The following INAVA variants were observed in gnomAD, a reference collection of about 807,000 sequenced individuals.
INAVA encodes innate immunity activator.
A neutral mutation model predicts 55.3 loss-of-function variants in INAVA; 32 were observed. That is an observed-to-expected ratio of 0.58 (90% CI 0.44 to 0.78). The LOEUF (loss-of-function observed/expected upper bound fraction) is 0.78. Ranked by LOEUF, INAVA falls within the 30% of genes least tolerant of loss-of-function variation. The pLI is 0.00. For synonymous variants in INAVA, 294 were observed against 329.4 expected (o/e 0.89, Z 1.16); for missense variants, 756 against 786.4 (o/e 0.96, Z 0.46).
chr1:200,914,133 C>G lies in INAVA; in HGVS notation c.*504C>G, dbSNP rs1006987861. 7 of 157,810 alleles carry G rather than the reference C, an allele frequency of 4.4e-5. No individual in the cohort carries two copies. The highest frequency in any genetic ancestry group is 1.7e-4 in the African/African-American group (7 of 41,496). 9.8% of individuals were successfully genotyped at this position (157,810 alleles called of 1,614,324 possible). A position where few individuals can be genotyped will look rare whatever the true frequency, so the allele number is the denominator to read the frequency against. On this transcript the variant is annotated 3_prime_UTR_variant, in exon 10 of 10. Transcript: ENST00000413687. ...ACCCCAGCCTGGGCTGGGGGAGAAT[C>G]TCTTCCCCCTTTTCTAATGTGCTCT...
intron 5 of INAVA, among the ~76,000 whole-genome samples, chr1:200,903,564 G>C (rs1358277415): frequency 6.6e-6 from 1 of 151,828 alleles, no homozygotes; most frequent in Non-Finnish European, 1.5e-5. Context: ...CAGCACTTTG[G>C]GAGGCCGAGG....
Position 200,900,989 on chromosome 1 carries a change from A to G in INAVA, c.350A>G (p.Glu117Gly). ...CTGGCCCTGCAGCTGCAGATCACAG[A>G]GGCAGCCCGTCGGCTGTGCCTGGAG... ...RQLALQLQIT[E>G]AARRLCLEEN... is the part of the protein sequence containing the mutation. The change falls in exon 5 of 10, where the codon GAG becomes GGG. Residue 117 changes from glutamate (E) to glycine (G), a missense_variant. Transcript: ENST00000413687. 1 of 1,555,440 alleles carries G rather than the reference A, an allele frequency of 6.4e-7. No homozygotes were observed. Among genetic ancestry groups the G allele is most frequent in the Non-Finnish European group, 8.7e-7 (1 of 1,149,286 alleles).
chr1:200,899,473 G>T lies in INAVA; in HGVS notation c.56G>T (p.Gly19Val), dbSNP rs2102303353. The T allele has an allele frequency of 1.2e-6, 2 of 1,613,990 alleles. No individual in the cohort carries two copies. The highest frequency in any genetic ancestry group is 1.1e-5 in the South Asian group (1 of 91,074). ...AGCATGTGCCCCCCAACCCTTGCAGGCCCCGACAGCCCGGTCTCCCCAATG... is the reference window on the plus strand; with the variant it reads ...AGCATGTGCCCCCCAACCCTTGCAGTCCCCGACAGCCCGGTCTCCCCAATG... ...DTDSGIILQS[G>V]PDSPVSPMKE... is the part of the protein sequence containing the mutation. The change falls in exon 3 of 10, where the codon GGC becomes GTC. Residue 19 changes from glycine (G) to valine (V), a missense_variant and splice_region_variant. Physicochemically the swap from Gly to Val is moderately radical, Grantham distance 109 (BLOSUM62 -3). Around this residue, in one of 2 missense-constraint regions of INAVA, gnomAD observed 639 missense variants for 624.3 expected, o/e 1.02. Coordinates refer to ENST00000413687, the MANE Select transcript of INAVA (RefSeq NM_001142569.3).
At chr1:200,891,708 G>A (rs755298622), upstream of INAVA, 4 of 1,453,774 alleles carry the variant, frequency 2.8e-6, no homozygotes, top group South Asian at 2.9e-5. Context: ...ACAGGTAAGC[G>A]GGAAAACTTC....
At chr1:200,901,311 A>C (rs1176909450) in intron 5 of INAVA, 152 bp downstream of exon 5, 8 of 734,834 alleles carry the variant, frequency 1.1e-5, no homozygotes, top group South Asian at 4.5e-5. Context: ...ATTCTCTCCA[A>C]CTCCAGCAAG....
At chr1:200,899,733 C>A in intron 3 of INAVA, 136 bp downstream of exon 3, 1 of 1,321,558 alleles carries the variant, frequency 7.6e-7, no homozygotes, top group South Asian at 1.5e-5. Context: ...GGCTGGGGCC[C>A]AGAGTCCCCA....
At chr1:200,911,414 T>A (rs1469397862) in intron 8 of INAVA, 39 bp from the exon 9 acceptor site, 1 of 1,560,746 alleles carries the variant, frequency 6.4e-7, no homozygotes, top group African/African-American at 1.3e-5. Flanking sequence ...GTGGAGTTTC[T>A]GCCCCCCACA....
intron 5 of INAVA, among the ~76,000 whole-genome samples, chr1:200,903,420 C>T (rs1571865443): frequency 6.7e-6 from 1 of 150,300 alleles, no homozygotes; most frequent in Non-Finnish European, 1.5e-5. Context: ...GGAGGTGGAG[C>T]CCAGGATCAA....
chr1:200,898,103 G>T (rs1235739829), intron 1 of INAVA, among the ~76,000 whole-genome samples: 1 of 152,132 alleles, frequency 6.6e-6, no homozygotes, highest in African/African-American at 2.4e-5. Context: ...GCCCCTGAGA[G>T]CCCACTGAGA....
In INAVA at chr1:200,907,856, C is replaced by T. The variant is rs1331419988; in HGVS notation, c.543C>T (p.Ser181=). 1.2e-6 allele frequency: 2 copies of T among 1,612,908 alleles called. No individual in the cohort carries two copies. The highest frequency in any genetic ancestry group is 2.2e-5 in the South Asian group (2 of 91,048). The change falls in exon 6 of 10, where the codon AGC becomes AGT. Residue 181 remains serine, a synonymous_variant. Transcript: ENST00000413687. ...CAGAGCTCAGTGCCTCTGATGACAG[C>T]TCCCTGTCAGATGGGCTCCTCCTGG... The part of the protein sequence containing the change: ...LGRELSASDD[S]SLSDGLLLEE...
chr1:200,908,859 A>G lies in INAVA; in HGVS notation c.704A>G (p.Gln235Arg), dbSNP rs1348733991. 1 of 1,613,934 alleles carries G rather than the reference A, an allele frequency of 6.2e-7. No homozygotes were observed. The highest frequency in any genetic ancestry group is 2.2e-5 in the East Asian group (1 of 44,894). The change falls in exon 7 of 10, where the codon CAG (glutamine) becomes CGG (arginine). Residue 235 changes from glutamine to arginine, a missense_variant. Around this residue, in one of 2 missense-constraint regions of INAVA, gnomAD observed 639 missense variants for 624.3 expected, o/e 1.02. Coordinates refer to ENST00000413687, the MANE Select transcript of INAVA (RefSeq NM_001142569.3). ...GGGAGCCCAGAACGGGCTCCAGTCCAGAACAGCCCCTGGAAGGAAACCAGC... is the reference window on the plus strand; with the variant it reads ...GGGAGCCCAGAACGGGCTCCAGTCCGGAACAGCCCCTGGAAGGAAACCAGC... ...EAGSPERAPVQNSPWKETSLD... is the reference protein window; with the variant it reads ...EAGSPERAPVRNSPWKETSLD...
At position 200,912,027 on chromosome 1, in the gene INAVA, C is replaced by A. The variant is rs1181234108; in HGVS notation, c.1534C>A (p.Arg512Ser). Residue 512 changes from arginine to serine, a missense_variant, in exon 9 of 10, where the codon CGC (arginine) becomes AGC (serine). Physicochemically the swap from Arg to Ser is moderately radical, Grantham distance 110. Around this residue, in one of 2 missense-constraint regions of INAVA, gnomAD observed 117 missense variants for 162.1 expected, o/e 0.72. Transcript: ENST00000413687. Reference sequence around the variant, plus strand: ...GCTCAAGTGGTGGCACGAGCGTGCACGCCTCCGGAGCACCCGCCCCCACTC... The same window carrying A: ...GCTCAAGTGGTGGCACGAGCGTGCAAGCCTCCGGAGCACCCGCCCCCACTC... ...EELKWWHERA[R>S]LRSTRPHSLD... 7 of 1,541,810 alleles carry A rather than the reference C, an allele frequency of 4.5e-6. No individual in the cohort carries two copies. The highest frequency in any genetic ancestry group is 3.9e-5 in the Admixed American group (2 of 50,806).
chr1:200,913,401 G>C (rs1194613786), intron 9 of INAVA, 136 bp from the exon 10 acceptor site: 2 of 668,974 alleles, frequency 3.0e-6, no homozygotes, highest in Non-Finnish European at 2.7e-6. Context: ...AAGGGGCTGA[G>C]TGCCAGGGCC....
At chr1:200,891,944 C>A (rs1295260310), upstream of INAVA, among the ~76,000 whole-genome samples, 1 of 151,628 alleles carries the variant, frequency 6.6e-6, no homozygotes, top group Admixed American at 6.6e-5. Context: ...CAGAAAGCAG[C>A]CAAACAAAAG....
chr1:200,897,984 T>C (rs1223687935), intron 1 of INAVA, among the ~76,000 whole-genome samples: 3 of 152,230 alleles, frequency 2.0e-5, no homozygotes, highest in Non-Finnish European at 4.4e-5. Flanking sequence ...ATCCTGTCTC[T>C]GCTCTTTTCC....
chr1:200,908,482 G>T (rs947678424), intron 6 of INAVA: 8 of 421,432 alleles, frequency 1.9e-5, no homozygotes, highest in Non-Finnish European at 3.4e-5. Flanking sequence ...AGCACTGTAA[G>T]CCCAAGAGAG....
chr1:200,891,732 C>A (rs1249162250), upstream of INAVA: 3 of 1,419,186 alleles, frequency 2.1e-6, no homozygotes, highest in African/African-American at 1.5e-5. Context: ...GCACCCAGTG[C>A]GGGTGAACTG....
Position 200,912,127 on chromosome 1 carries a change from C to G in INAVA, c.1634C>G (p.Pro545Arg). The G allele has an allele frequency of 3.2e-6, 5 of 1,548,248 alleles. No individual in the cohort carries two copies. The highest frequency in any genetic ancestry group is 4.4e-6 in the Non-Finnish European group (5 of 1,146,316). Residue 545 changes from proline to arginine, a missense_variant, in exon 9 of 10, where the codon CCC becomes CGC. Physicochemically the swap from Pro to Arg is moderately radical, Grantham distance 103. This residue lies in a region of INAVA where 117 missense variants were observed against 162.1 expected (regional missense o/e 0.72). Transcript: ENST00000413687. ...GAGGGCTTCGGACGAGCCCTGGGAC[C>G]CCGGGCACAGGTACGGCTGCTCTGG... ...GREGFGRALG[P>R]RAQVPTVCVL...
In INAVA at chr1:200,901,061, TGCAG is replaced by T; in HGVS notation, c.424_427del (p.Gln142ArgfsTer177). 6.5e-7 allele frequency: 1 copy of T among 1,544,406 alleles called. No homozygotes were observed. Among genetic ancestry groups the T allele is most frequent in the Non-Finnish European group, 8.7e-7 (1 of 1,146,492 alleles). On this transcript the variant is annotated frameshift_variant, in exon 5 of 10. Coordinates refer to ENST00000413687, the MANE Select transcript of INAVA (RefSeq NM_001142569.3). LOFTEE classifies it high-confidence loss of function. ...CGGCGGCAGCGGAAGCACTCCATGCTGCAGGAGGAGAAGAAGCTGCAGGAGCTCC... is the reference window on the plus strand; with the variant it reads ...CGGCGGCAGCGGAAGCACTCCATGCTGAGGAGAAGAAGCTGCAGGAGCTCC...
Sources: gnomAD v4.1 joint callset for allele counts (sites outside exome capture counted in the v4.1 genomes callset) on GRCh38, gnomAD v4.1.1 for gene constraint, gnomAD v4.1.1 regional missense constraint, MANE v1.5 for transcripts, NCBI Gene and HGNC (gene_info 2026-07-23, HGNC 2026-07-21) for gene names.